Variants in RBFOX1 observed in about 807,000 individuals in gnomAD.
RBFOX1 encodes RNA binding protein fox-1 homolog 1.
Under a neutral mutation model 57.7 loss-of-function variants are expected in RBFOX1, and 8 were observed. The ratio of observed to expected loss-of-function variants is 0.14; its 90% CI spans 0.08 to 0.25. The LOEUF is 0.25. RBFOX1 is among the 10% of genes least tolerant of loss of function. The probability of loss-of-function intolerance (pLI) is 1.00; values close to 1 mark genes in which losing one functional copy is unlikely to be tolerated. For synonymous variants in RBFOX1, 326 were observed against 222.4 expected (o/e 1.47, Z -4.15); for missense variants, 611 against 548.5 (o/e 1.11, Z -1.14).
chr16:6,040,581 T>C, intron 1 of RBFOX1, among the ~76,000 whole-genome samples: 1 of 151,694 alleles, frequency 6.6e-6, no homozygotes, highest in South Asian at 2.1e-4. Flanking sequence ...TCTCTCTCTC[T>C]CTCTTTCTTT....
At chr16:5,769,368 C>T (rs1257206738) in intron 3 of RBFOX1, among the ~76,000 whole-genome samples, 1 of 151,552 alleles carries the variant, frequency 6.6e-6, no homozygotes, top group East Asian at 1.9e-4. Context: ...GGGCTGGGTG[C>T]AGTGGCTCGC....
At chr16:7,519,185 A>G (rs1199122931) in intron 5 of RBFOX1, among the ~76,000 whole-genome samples, 1 of 152,114 alleles carries the variant, frequency 6.6e-6, no homozygotes, top group African/African-American at 2.4e-5. Context: ...CTAAATACAA[A>G]TCTTGTGCCC....
chr16:6,612,210 C>G (rs1440500572), intron 2 of RBFOX1, among the ~76,000 whole-genome samples: 1 of 152,028 alleles, frequency 6.6e-6, no homozygotes, highest in Non-Finnish European at 1.5e-5. Context: ...GTAAGTTTAG[C>G]TTTATAGAGA....
In RBFOX1 at chr16:7,416,728, GTT is replaced by G. The variant is rs61388698; in HGVS notation, c.28-101411_28-101410del. Reference sequence around the variant, plus strand: ...GTAAAAGGCAAGCGACTTTAGGGATGTTTTTTTTTCTTTCCACATATATGTGG... The same window carrying G: ...GTAAAAGGCAAGCGACTTTAGGGATGTTTTTTTCTTTCCACATATATGTGG... On this transcript the variant is annotated intron_variant, in intron 4 of 15. Transcript: ENST00000550418. 4.4e-3 allele frequency among the ~76,000 whole-genome samples: 657 copies of G among 148,598 alleles called. 5 individuals are homozygous for G. The highest frequency in any genetic ancestry group is 0.016 in the African/African-American group (623 of 38,716).
intron 2 of RBFOX1, chr16:6,483,213 G>T: frequency 8.3e-7 from 1 of 1,211,022 alleles, no homozygotes; most frequent in Non-Finnish European, 1.0e-6. Context: ...GCCGGCCGGG[G>T]AAGCCGGACC....
intron 5 of RBFOX1, among the ~76,000 whole-genome samples, chr16:7,519,990 A>T (rs1426223055): frequency 6.6e-6 from 1 of 152,054 alleles, no homozygotes; most frequent in Non-Finnish European, 1.5e-5. Context: ...GGTTCACGCC[A>T]TTCTCCTGCC....
At chr16:7,381,515 TTA>T (rs1208193939) in intron 4 of RBFOX1, among the ~76,000 whole-genome samples, 2,421 of 152,154 alleles carry the variant, frequency 0.016, 72 homozygotes, top group African/African-American at 0.055. Context: ...CCTTTTTTTT[TTA>T]TTTTATTAAC....
At chr16:6,585,726 A>G (rs553297809) in intron 2 of RBFOX1, among the ~76,000 whole-genome samples, 5 of 152,256 alleles carry the variant, frequency 3.3e-5, no homozygotes. Flanking sequence ...TGCAGTTCAA[A>G]GGGGGCAAAA....
At chr16:6,345,835 G>C (rs1426234360) in intron 2 of RBFOX1, among the ~76,000 whole-genome samples, 1 of 152,232 alleles carries the variant, frequency 6.6e-6, no homozygotes, top group Non-Finnish European at 1.5e-5. Context: ...GCGCAAGGTG[G>C]TTGGGGCACA....
intron 3 of RBFOX1, among the ~76,000 whole-genome samples, chr16:6,741,605 G>A (rs188278141): frequency 2.0e-5 from 3 of 151,546 alleles, no homozygotes; most frequent in Admixed American, 2.0e-4. Flanking sequence ...GGAGGTGGAG[G>A]TTGCGGTGAG....
chr16:6,668,410 G>A (rs149536530), intron 3 of RBFOX1, among the ~76,000 whole-genome samples: 4,273 of 152,334 alleles, frequency 0.028, 99 homozygotes, highest in Non-Finnish European at 0.035. Flanking sequence ...AAAGCCACGT[G>A]TTGTGTGTTT....
intron 2 of RBFOX1, among the ~76,000 whole-genome samples, chr16:6,632,181 A>G (rs571685915): frequency 1.3e-5 from 2 of 152,068 alleles, no homozygotes; most frequent in Non-Finnish European, 2.9e-5. Flanking sequence ...CCTTGAAGAC[A>G]CTTAACTGCA....
intron 1 of RBFOX1, among the ~76,000 whole-genome samples, chr16:6,303,418 G>T (rs868357560): frequency 1.3e-5 from 2 of 151,996 alleles, no homozygotes; most frequent in African/African-American, 4.8e-5. Context: ...TGTTGAAGTA[G>T]GTAGCAGCTA....
intron 4 of RBFOX1, among the ~76,000 whole-genome samples, chr16:7,201,487 G>C (rs2088458514): frequency 6.8e-6 from 1 of 147,212 alleles, no homozygotes; most frequent in South Asian, 2.1e-4. Context: ...TTTTGAGACA[G>C]TTTTGCTCTT....
At chr16:6,642,710 C>T (rs79943970) in intron 2 of RBFOX1, among the ~76,000 whole-genome samples, 2,847 of 152,152 alleles carry the variant, frequency 0.019, 89 homozygotes, top group African/African-American at 0.064. Context: ...TCTTTATTTG[C>T]ATAATAGTTT....
chr16:7,675,407 AC>A (rs2072975690), intron 13 of RBFOX1, among the ~76,000 whole-genome samples: 1 of 145,898 alleles, frequency 6.9e-6, no homozygotes, highest in Non-Finnish European at 1.5e-5. Flanking sequence ...TTTAAGGGAA[AC>A]AAAAAAAAAA....
chr16:5,665,009 G>A (rs1209924634), intron 3 of RBFOX1, among the ~76,000 whole-genome samples: 2 of 151,500 alleles, frequency 1.3e-5, no homozygotes, highest in African/African-American at 4.9e-5. Flanking sequence ...CAGTGGCACA[G>A]TCCTAGCTCA....
intron 1 of RBFOX1, among the ~76,000 whole-genome samples, chr16:5,377,898 G>C (rs1478397763): frequency 6.6e-6 from 1 of 151,702 alleles, no homozygotes; most frequent in Non-Finnish European, 1.5e-5. Flanking sequence ...CTTGAGAACA[G>C]TTTTCCGTTT....
At position 5,565,635 on chromosome 16, in the gene RBFOX1, A is replaced by C. The variant is rs866945974; in HGVS notation, c.259-33267A>C. Among the ~76,000 whole-genome samples, 90 of 131,072 alleles carry C rather than the reference A, an allele frequency of 6.9e-4. 1 individual carries two copies. In the East Asian group the frequency reaches 0.015, roughly 22 times the overall value. 86.0% of individuals were successfully genotyped at this position (131,072 alleles called of 152,430 possible). A position where few individuals can be genotyped will look rare whatever the true frequency, so the allele number is the denominator to read the frequency against. ...AGCGAAACTCTGCCTTACATAAATA[A>C]ATAAATAAATAAATAAATAAATAAA... On this transcript the variant is annotated intron_variant, in intron 2 of 2. Transcript: ENST00000585867.
Sources: gnomAD v4.1 joint callset for allele counts (sites outside exome capture counted in the v4.1 genomes callset) on GRCh38, gnomAD v4.1.1 for gene constraint, MANE v1.5 for transcripts, NCBI Gene and HGNC (gene_info 2026-07-23, HGNC 2026-07-21) for gene names.